GPR21: variants seen among roughly 807,000 people sequenced by gnomAD.
GPR21 encodes the protein G protein-coupled receptor 21.
In GPR21, 9 loss-of-function variants were observed where a neutral mutation model predicts 21.5. That is an observed-to-expected ratio of 0.42 (90% CI 0.25 to 0.73). GPR21 has a LOEUF of 0.73. Ranked by LOEUF, GPR21 falls within the 30% of genes least tolerant of loss-of-function variation. The probability of loss-of-function intolerance (pLI) is 0.27; values close to 1 mark genes in which losing one functional copy is unlikely to be tolerated. For missense variants in GPR21, 416 were observed against 428.9 expected (o/e 0.97, Z 0.27); for synonymous variants, 169 against 159.3 (o/e 1.06, Z -0.46).
rs1202712035 is a variant in GPR21, at chr9:123,035,134, T to C, written c.568T>C (p.Tyr190His). The C allele has an allele frequency of 1.2e-6, 2 of 1,613,872 alleles. No homozygotes were observed. Among genetic ancestry groups the C allele is most frequent in the South Asian group, 2.2e-5 (2 of 91,070 alleles). ...TGCGGAGTCCTGGCACACCGACTCCTACTTCACCCTGTTCATCGTGATGAT... is the reference window on the plus strand; with the variant it reads ...TGCGGAGTCCTGGCACACCGACTCCCACTTCACCCTGTTCATCGTGATGAT... ...WCAESWHTDS[Y>H]FTLFIVMMLY... Residue 190 changes from tyrosine (Y) to histidine (H), a missense_variant, in exon 2 of 2, where the codon TAC becomes CAC. Coordinates refer to ENST00000616002, the MANE Select transcript of GPR21 (RefSeq NM_005294.3).
At chr9:123,036,128 A>G (rs566727595), downstream of GPR21, among the ~76,000 whole-genome samples, 2 of 152,384 alleles carry the variant, frequency 1.3e-5, no homozygotes, top group African/African-American at 2.4e-5. Context: ...CTACACTGCA[A>G]GTTTCAACAC....
chr9:123,040,413 T>C (rs2032896406), downstream of GPR21, among the ~76,000 whole-genome samples: 1 of 152,204 alleles, frequency 6.6e-6, no homozygotes, highest in Non-Finnish European at 1.5e-5. Context: ...TCTCAGAACA[T>C]GGTTCTGTAA....
chr9:123,034,051 G>A (rs549714836), intron 1 of GPR21, 120 bp from the exon 2 acceptor site: 40 of 160,890 alleles, frequency 2.5e-4, no homozygotes, highest in Non-Finnish European at 4.0e-4. Flanking sequence ...GAGGGTAGCC[G>A]TGAATAGTGG....
At position 123,034,944 on chromosome 9, in the gene GPR21, T is replaced by C; in HGVS notation, c.378T>C (p.Asp126=). 3 of 1,612,378 alleles carry C rather than the reference T, an allele frequency of 1.9e-6. No individual in the cohort carries two copies. The highest frequency in any genetic ancestry group is 2.5e-6 in the Non-Finnish European group (3 of 1,178,364). ...SMASLACISI[D]RYIAITKPLT... ...CTTCTCTGGCCTGTATCAGCATTGA[T>C]AGATACATTGCCATTACTAAACCTT... is the stretch of plus-strand genomic sequence containing the variant. Residue 126 remains aspartate, a synonymous_variant, in exon 2 of 2, where the codon GAT becomes GAC. Coordinates refer to ENST00000616002, the MANE Select transcript of GPR21 (RefSeq NM_005294.3).
chr9:123,047,802 T>C, the GPR21 span, among the ~76,000 whole-genome samples: 1 of 151,956 alleles, frequency 6.6e-6, no homozygotes, highest in African/African-American at 2.4e-5. Context: ...CTTAATGCAG[T>C]GCAGCAGTTC....
downstream of GPR21, among the ~76,000 whole-genome samples, chr9:123,038,111 G>T (rs897595073): frequency 6.6e-6 from 1 of 152,008 alleles, no homozygotes; most frequent in Non-Finnish European, 1.5e-5. Flanking sequence ...AGTGAAAGTG[G>T]TTTTTTCCCC....
At chr9:123,047,932 T>G in the GPR21 span, among the ~76,000 whole-genome samples, 2 of 72,936 alleles carry the variant, frequency 2.7e-5, no homozygotes, top group African/African-American at 1.9e-4. Context: ...TTTTTTTTTT[T>G]TTTTTTTTTT....
the GPR21 span, among the ~76,000 whole-genome samples, chr9:123,044,499 GCCT>G: frequency 6.6e-6 from 1 of 152,064 alleles, no homozygotes; most frequent in African/African-American, 2.4e-5. Flanking sequence ...GTATCACTAC[GCCT>G]CCATAGGTGT....
downstream of GPR21, among the ~76,000 whole-genome samples, chr9:123,036,166 GT>G (rs1289143869): frequency 6.6e-6 from 1 of 152,156 alleles, no homozygotes; most frequent in African/African-American, 2.4e-5. Flanking sequence ...AATGTTCTGT[GT>G]TTTATTCTCT....
the GPR21 span, among the ~76,000 whole-genome samples, chr9:123,043,648 G>A: frequency 6.6e-6 from 1 of 151,726 alleles, no homozygotes; most frequent in Non-Finnish European, 1.5e-5. Context: ...GTGAGGGGAA[G>A]GAGGGTGGGT....
At chr9:123,045,488 T>C in the GPR21 span, among the ~76,000 whole-genome samples, 1 of 152,210 alleles carries the variant, frequency 6.6e-6, no homozygotes, top group Non-Finnish European at 1.5e-5. Flanking sequence ...ATTAACATCA[T>C]TTTATAATAC....
At chr9:123,045,629 G>C in the GPR21 span, among the ~76,000 whole-genome samples, 1 of 152,166 alleles carries the variant, frequency 6.6e-6, no homozygotes, top group Non-Finnish European at 1.5e-5. Flanking sequence ...TTTGAATGAA[G>C]ATGACAGCAG....
chr9:123,040,822 C>T, the GPR21 span, among the ~76,000 whole-genome samples: 1 of 152,034 alleles, frequency 6.6e-6, no homozygotes, highest in Non-Finnish European at 1.5e-5. Context: ...ATATTAATGT[C>T]AGATAATGTC....
rs763821802 is a variant in GPR21, at chr9:123,035,455, A to G, written c.889A>G (p.Ser297Gly). The change falls in exon 2 of 2, where the codon AGT becomes GGT. Residue 297 changes from serine to glycine, a missense_variant. By Grantham distance (56) the Ser-to-Gly change is moderately conservative. Transcript: ENST00000616002. ...FLTTWLAISN[S>G]FCNCVIYSLS... ...GACCACCTGGCTTGCTATTAGTAACAGTTTCTGCAACTGTGTAATTTATAG... is the reference window on the plus strand; with the variant it reads ...GACCACCTGGCTTGCTATTAGTAACGGTTTCTGCAACTGTGTAATTTATAG... 1 of 1,614,162 alleles carries G rather than the reference A, an allele frequency of 6.2e-7. No homozygotes were observed. Among genetic ancestry groups the G allele is most frequent in the Admixed American group, 1.7e-5 (1 of 60,024 alleles).
chr9:123,044,626 C>T, the GPR21 span, among the ~76,000 whole-genome samples: 11 of 149,088 alleles, frequency 7.4e-5, no homozygotes, highest in African/African-American at 2.2e-4. Flanking sequence ...AACACACGTA[C>T]GTGTGTGTGT....
chr9:123,036,162 C>T (rs1427758452), downstream of GPR21, among the ~76,000 whole-genome samples: 3 of 152,194 alleles, frequency 2.0e-5, no homozygotes, highest in Non-Finnish European at 4.4e-5. Flanking sequence ...GCCAAATGTT[C>T]TGTGTTTTAT....
At chr9:123,045,911 C>T in the GPR21 span, among the ~76,000 whole-genome samples, 5 of 152,248 alleles carry the variant, frequency 3.3e-5, no homozygotes, top group South Asian at 8.3e-4. Flanking sequence ...TGTAGGAACT[C>T]AGTAAAAGAT....
In GPR21 at chr9:123,035,437, T is replaced by G; in HGVS notation, c.871T>G (p.Trp291Gly). The change falls in exon 2 of 2, where the codon TGG becomes GGG. Residue 291 changes from tryptophan to glycine, a missense_variant. By Grantham distance (184) the Trp-to-Gly change is radical (BLOSUM62 -2). Coordinates refer to ENST00000616002, the MANE Select transcript of GPR21 (RefSeq NM_005294.3). ...CCGCTTCGCATCCTTCTTGACCACC[T>G]GGCTTGCTATTAGTAACAGTTTCTG... ...SNRFASFLTT[W>G]LAISNSFCNC... 2 of 1,614,210 alleles carry G rather than the reference T, an allele frequency of 1.2e-6. No homozygotes were observed. The highest frequency in any genetic ancestry group is 1.7e-6 in the Non-Finnish European group (2 of 1,180,040).
Position 123,035,628 on chromosome 9 carries a change from T to TA in GPR21, c.*13dup, listed in dbSNP as rs1430389963. ...GATGTCATATCTGAAGTGGCTCAGTTACGGGGTTCCCGTGTGTGTGTGTGT... is the reference window on the plus strand; with the variant it reads ...GATGTCATATCTGAAGTGGCTCAGTTAACGGGGTTCCCGTGTGTGTGTGTGT... On this transcript the variant is annotated 3_prime_UTR_variant, in exon 2 of 2. Coordinates refer to ENST00000616002, the MANE Select transcript of GPR21 (RefSeq NM_005294.3). 2.7e-6 allele frequency: 4 copies of TA among 1,489,402 alleles called. No individual in the cohort carries two copies. Among genetic ancestry groups the TA allele is most frequent in the Non-Finnish European group, 3.6e-6 (4 of 1,099,652 alleles). The allele number at this position is 1,489,402 out of a possible 1,614,324, so 92.3% of individuals were successfully genotyped here.
Sources: allele counts gnomAD v4.1 joint callset (sites outside exome capture counted in the v4.1 genomes callset), GRCh38; gene constraint gnomAD v4.1.1; transcripts MANE v1.5; gene names NCBI Gene and HGNC (gene_info 2026-07-23, HGNC 2026-07-21).